Variants in LRBA observed in about 807,000 individuals in gnomAD.
The protein encoded by LRBA is lipopolysaccharide-responsive and beige-like anchor protein.
Under a neutral mutation model 330.0 loss-of-function variants are expected in LRBA, and 176 were observed. The ratio of observed to expected loss-of-function variants is 0.53; its 90% CI spans 0.47 to 0.60. The LOEUF (loss-of-function observed/expected upper bound fraction) is 0.60, where lower values mean the gene tolerates loss of function less well. Ranked by LOEUF, LRBA falls within the 20% of genes least tolerant of loss-of-function variation. The pLI, the probability that LRBA is intolerant of heterozygous loss-of-function variation, is 0.00. For missense variants in LRBA, 3,259 were observed against 3,444.8 expected (o/e 0.95, Z 1.35); for synonymous variants, 1,230 against 1,193.0 (o/e 1.03, Z -0.64).
chr4:150,290,064 C>G (rs1748655995), intron 53 of LRBA, among the ~76,000 whole-genome samples: 1 of 152,154 alleles, frequency 6.6e-6, no homozygotes. Flanking sequence ...AAAGGAAAGG[C>G]AAAATCCCTC....
chr4:150,338,553 C>A (rs187194933), intron 48 of LRBA, among the ~76,000 whole-genome samples: 19 of 152,240 alleles, frequency 1.2e-4, no homozygotes, highest in Non-Finnish European at 2.2e-4. Context: ...CCAAGATCTG[C>A]CCTGGTGTCC....
chr4:150,843,182 T>C (rs1234970667), intron 28 of LRBA, among the ~76,000 whole-genome samples: 3 of 152,128 alleles, frequency 2.0e-5, no homozygotes, highest in African/African-American at 4.8e-5. Context: ...GCATCCAGTA[T>C]CATGTTTAAT....
At chr4:150,562,512 G>A (rs1367700115) in intron 40 of LRBA, among the ~76,000 whole-genome samples, 3 of 152,128 alleles carry the variant, frequency 2.0e-5, no homozygotes, top group Non-Finnish European at 4.4e-5. Flanking sequence ...ATGTATGTAT[G>A]TTCTCAGTAA....
intron 46 of LRBA, 137 bp downstream of exon 46, chr4:150,435,451 TG>T (rs1323163694): frequency 1.4e-6 from 1 of 694,750 alleles, no homozygotes; most frequent in East Asian, 2.7e-5. Flanking sequence ...CTGTAATTCT[TG>T]GCCATTTAAT....
intron 17 of LRBA, among the ~76,000 whole-genome samples, chr4:150,881,981 G>A (rs1360909305): frequency 6.6e-6 from 1 of 152,016 alleles, no homozygotes; most frequent in African/African-American, 2.4e-5. Context: ...AGCTACTCTG[G>A]AGGCTGAGGC....
intron 46 of LRBA, among the ~76,000 whole-genome samples, chr4:150,425,491 C>G (rs1438520462): frequency 6.6e-6 from 1 of 152,166 alleles, no homozygotes; most frequent in Non-Finnish European, 1.5e-5. Context: ...GAGGTTACAC[C>G]ACAGTTCAGG....
Position 150,992,362 on chromosome 4 carries a change from A to G in LRBA, c.216+22065T>C, listed in dbSNP as rs953389963. Among the ~76,000 whole-genome samples, 11 of 151,800 alleles carry G rather than the reference A, an allele frequency of 7.2e-5. 1 individual carries two copies. The highest frequency in any genetic ancestry group is 1.9e-4 in the African/African-American group (8 of 41,352). ...AGCATGATGATGACAGACCAAGAAG[A>G]AAAGGACCCAAGCAGAGAGAACAGT... On this transcript the variant is annotated intron_variant, in intron 2 of 56. Coordinates refer to ENST00000651943, the MANE Select transcript of LRBA (RefSeq NM_001364905.1).
intron 40 of LRBA, among the ~76,000 whole-genome samples, chr4:150,495,850 C>T (rs1322808351): frequency 1.3e-5 from 2 of 152,188 alleles, no homozygotes; most frequent in African/African-American, 4.8e-5. Context: ...ATTACCATTG[C>T]TCTGCAGTTA....
chr4:150,424,114 A>G (rs1334321365), intron 46 of LRBA, among the ~76,000 whole-genome samples: 2 of 152,230 alleles, frequency 1.3e-5, no homozygotes, highest in Non-Finnish European at 2.9e-5. Context: ...ATGTGAATTT[A>G]AAGTATGACA....
chr4:150,882,282 T>A (rs746050672), intron 17 of LRBA, among the ~76,000 whole-genome samples: 14 of 152,180 alleles, frequency 9.2e-5, no homozygotes, highest in Non-Finnish European at 1.8e-4. Context: ...ATCAAACTAG[T>A]TTATCTGCTA....
At chr4:150,940,355 T>C (rs1232866481) in intron 2 of LRBA, among the ~76,000 whole-genome samples, 1 of 152,164 alleles carries the variant, frequency 6.6e-6, no homozygotes, top group Non-Finnish European at 1.5e-5. Flanking sequence ...TGAGCTATGA[T>C]CATGCCACAG....
At chr4:151,006,115 G>A (rs1744044553) in intron 2 of LRBA, among the ~76,000 whole-genome samples, 1 of 152,216 alleles carries the variant, frequency 6.6e-6, no homozygotes, top group South Asian at 2.1e-4. Context: ...GCCAAGGCAG[G>A]CGGATCACCT....
chr4:150,279,442 G>T (rs1248050514), intron 55 of LRBA, among the ~76,000 whole-genome samples: 2 of 152,126 alleles, frequency 1.3e-5, no homozygotes, highest in Non-Finnish European at 2.9e-5. Flanking sequence ...TGTCCACCTG[G>T]ACACAGGGGA....
At chr4:150,664,076 G>C (rs1781362234) in intron 37 of LRBA, among the ~76,000 whole-genome samples, 1 of 152,186 alleles carries the variant, frequency 6.6e-6, no homozygotes, top group African/African-American at 2.4e-5. Flanking sequence ...AAGATTTAAG[G>C]AATGGCACTA....
chr4:150,916,501 T>C lies in LRBA; in HGVS notation c.794A>G (p.Tyr265Cys), dbSNP rs1732602932. The change falls in exon 7 of 57, where the codon TAT becomes TGT. Residue 265 changes from tyrosine to cysteine, a missense_variant. Coordinates refer to ENST00000651943, the MANE Select transcript of LRBA (RefSeq NM_001364905.1). ...ACAGCCTCCAACAAAATGAGCAGAATAGCCAAGACCTTTGCTGGTTCTGAA... is the reference window on the plus strand; with the variant it reads ...ACAGCCTCCAACAAAATGAGCAGAACAGCCAAGACCTTTGCTGGTTCTGAA... The part of the protein sequence containing the change: ...YCFRTSKGLG[Y>C]SAHFVGGCLI... 2 of 1,613,824 alleles carry C rather than the reference T, an allele frequency of 1.2e-6. No individual in the cohort carries two copies. Among genetic ancestry groups the C allele is most frequent in the South Asian group, 1.1e-5 (1 of 91,042 alleles).
chr4:150,779,116 T>C (rs887088370), intron 34 of LRBA, among the ~76,000 whole-genome samples: 1 of 152,152 alleles, frequency 6.6e-6, no homozygotes, highest in Non-Finnish European at 1.5e-5. Flanking sequence ...ATAAGAATTA[T>C]CAACTCAAGA....
intron 37 of LRBA, among the ~76,000 whole-genome samples, chr4:150,678,407 T>A (rs1321576621): frequency 1.3e-5 from 2 of 152,088 alleles, no homozygotes; most frequent in Admixed American, 1.3e-4. Flanking sequence ...AGTACTGCAA[T>A]ATGCCTCTGT....
chr4:150,779,608 G>A (rs542048674), intron 34 of LRBA, among the ~76,000 whole-genome samples: 93 of 152,036 alleles, frequency 6.1e-4, no homozygotes, highest in Admixed American at 1.6e-3. Context: ...CTTTTTGAAT[G>A]TCTAGACACT....
chr4:150,770,085 T>C (rs1225693765), intron 34 of LRBA, among the ~76,000 whole-genome samples: 1 of 152,104 alleles, frequency 6.6e-6, no homozygotes, highest in African/African-American at 2.4e-5. Context: ...AATCACCCGA[T>C]TTGTTGAGGG....
Sources: allele counts gnomAD v4.1 joint callset (sites outside exome capture counted in the v4.1 genomes callset), GRCh38; gene constraint gnomAD v4.1.1; transcripts MANE v1.5; gene names NCBI Gene and HGNC (gene_info 2026-07-23, HGNC 2026-07-21).